GSTCD: variants seen among roughly 807,000 people sequenced by gnomAD.
The protein encoded by GSTCD is glutathione S-transferase C-terminal domain-containing protein.
Under a neutral mutation model 68.3 loss-of-function variants are expected in GSTCD, and 44 were observed. That is an observed-to-expected ratio of 0.64 (90% CI 0.51 to 0.83). The LOEUF is 0.83. GSTCD is among the 40% of genes least tolerant of loss of function. The pLI, the probability that GSTCD is intolerant of heterozygous loss-of-function variation, is 0.00. For missense variants in GSTCD, 739 were observed against 735.9 expected, an observed-to-expected ratio of 1.00 and a Z score of -0.05; for synonymous variants, 273 against 255.2, an observed-to-expected ratio of 1.07 and a Z score of -0.67.
At chr4:105,837,681 T>C (rs890463692) in intron 9 of GSTCD, among the ~76,000 whole-genome samples, 178 bp from the exon 10 acceptor site, 2 of 152,200 alleles carry the variant, frequency 1.3e-5, no homozygotes, top group African/African-American at 4.8e-5. Context: ...AATAACATAT[T>C]GATGATATGC....
intron 1 of GSTCD, among the ~76,000 whole-genome samples, chr4:105,711,429 A>C (rs1469660828): frequency 6.6e-6 from 1 of 152,238 alleles, no homozygotes; most frequent in Non-Finnish European, 1.5e-5. Flanking sequence ...TTGGTTGGGA[A>C]AAACTTTTCA....
At chr4:105,734,819 C>T (rs951107965) in intron 5 of GSTCD, among the ~76,000 whole-genome samples, 1 of 152,034 alleles carries the variant, frequency 6.6e-6, no homozygotes, top group African/African-American at 2.4e-5. Context: ...TTTTATCTCC[C>T]TTTGGTCTTT....
At chr4:105,755,299 G>A (rs1734148187) in intron 5 of GSTCD, among the ~76,000 whole-genome samples, 1 of 151,370 alleles carries the variant, frequency 6.6e-6, no homozygotes, top group Non-Finnish European at 1.5e-5. Flanking sequence ...GTGAGACCCT[G>A]TCTAGGAAGG....
At chr4:105,709,589 T>C (rs1732448048) in intron 1 of GSTCD, among the ~76,000 whole-genome samples, 1 of 152,186 alleles carries the variant, frequency 6.6e-6, no homozygotes, top group African/African-American at 2.4e-5. Context: ...TGCTTTGGTT[T>C]CAAAAACGTT....
At position 105,845,468 on chromosome 4, in the gene GSTCD, T is replaced by C. The variant is rs757285239; in HGVS notation, c.1793T>C (p.Leu598Pro). Reference sequence around the variant, plus strand: ...AAACAGTGCATGTGCTTGGTGGATCTGGATCGAGCAAGAGCTGCAGAAGAA... The same window carrying C: ...AAACAGTGCATGTGCTTGGTGGATCCGGATCGAGCAAGAGCTGCAGAAGAA... ...IGKQCMCLVD[L>P]DRARAAEECG... Residue 598 changes from leucine to proline, a missense_variant, in exon 12 of 12, where the codon CTG (leucine) becomes CCG (proline). Coordinates refer to ENST00000515279, the MANE Select transcript of GSTCD (RefSeq NM_001370181.1). 8 of 1,614,162 alleles carry C rather than the reference T, an allele frequency of 5.0e-6. No homozygotes were observed. In the South Asian group the frequency reaches 8.8e-5, roughly 18 times the overall value.
At chr4:105,791,392 CAA>C (rs56388145) in intron 5 of GSTCD, among the ~76,000 whole-genome samples, 10 of 57,308 alleles carry the variant, frequency 1.7e-4, no homozygotes, top group Non-Finnish European at 1.9e-4. Flanking sequence ...GACTCCGTCT[CAA>C]AAAAAAAAAA....
At chr4:105,774,695 T>C (rs1285005059) in intron 5 of GSTCD, among the ~76,000 whole-genome samples, 2 of 152,220 alleles carry the variant, frequency 1.3e-5, no homozygotes, top group African/African-American at 4.8e-5. Flanking sequence ...CTCTTCTGGC[T>C]TGTAGGTTTT....
At chr4:105,842,830 T>C (rs1724410267) in intron 11 of GSTCD, among the ~76,000 whole-genome samples, 1 of 152,172 alleles carries the variant, frequency 6.6e-6, no homozygotes, top group African/African-American at 2.4e-5. Context: ...AAAGCTTTCC[T>C]GGGGTCCCTC....
At chr4:105,735,028 C>G (rs1733407851) in intron 5 of GSTCD, among the ~76,000 whole-genome samples, 1 of 152,182 alleles carries the variant, frequency 6.6e-6, no homozygotes, top group Non-Finnish European at 1.5e-5. Flanking sequence ...GCTGCCTGAT[C>G]ATTCCTCTGG....
intron 1 of GSTCD, among the ~76,000 whole-genome samples, chr4:105,713,670 G>A (rs1466719379): frequency 1.3e-5 from 2 of 151,892 alleles, no homozygotes; most frequent in Non-Finnish European, 2.9e-5. Flanking sequence ...CATAGTAGGT[G>A]GACAATAAAA....
At chr4:105,726,170 T>C (rs1362537250) in intron 3 of GSTCD, among the ~76,000 whole-genome samples, 1 of 152,058 alleles carries the variant, frequency 6.6e-6, no homozygotes, top group Non-Finnish European at 1.5e-5. Flanking sequence ...ATATAGTATA[T>C]CCACACAATG....
intron 5 of GSTCD, among the ~76,000 whole-genome samples, chr4:105,750,448 G>T (rs955729633): frequency 1.7e-5 from 2 of 118,538 alleles, no homozygotes; most frequent in African/African-American, 6.6e-5. Context: ...CAACCAGAGC[G>T]AAACTCCGTC....
chr4:105,810,183 A>C (rs1722696928), intron 5 of GSTCD, among the ~76,000 whole-genome samples: 1 of 152,176 alleles, frequency 6.6e-6, no homozygotes, highest in Admixed American at 6.6e-5. Flanking sequence ...AAAACTAGCC[A>C]CATGTTTATA....
At chr4:105,741,128 C>T (rs1733617782) in intron 5 of GSTCD, among the ~76,000 whole-genome samples, 1 of 151,730 alleles carries the variant, frequency 6.6e-6, no homozygotes, top group South Asian at 2.1e-4. Flanking sequence ...AAGTAGTTGC[C>T]TTCCCTTTTC....
chr4:105,806,771 C>G (rs1010292929), intron 5 of GSTCD, among the ~76,000 whole-genome samples: 2 of 152,036 alleles, frequency 1.3e-5, no homozygotes, highest in African/African-American at 4.8e-5. Context: ...AGAAAGAGCT[C>G]TACATATTTT....
At chr4:105,719,759 T>C (rs1560793095) in intron 3 of GSTCD, among the ~76,000 whole-genome samples, 1 of 152,174 alleles carries the variant, frequency 6.6e-6, no homozygotes, top group Non-Finnish European at 1.5e-5. Flanking sequence ...GCTTGGCACA[T>C]AGTAAGCTCT....
chr4:105,718,527 A>G (rs1304780185), intron 2 of GSTCD, among the ~76,000 whole-genome samples: 1 of 152,184 alleles, frequency 6.6e-6, no homozygotes, highest in Non-Finnish European at 1.5e-5. Context: ...CATGAGCCAA[A>G]TAAACCTCTT....
chr4:105,732,279 C>G (rs1243276247), intron 5 of GSTCD, among the ~76,000 whole-genome samples: 3 of 152,222 alleles, frequency 2.0e-5, no homozygotes, highest in African/African-American at 7.2e-5. Flanking sequence ...CCAGCTCCTC[C>G]TTGTACCTCT....
intron 5 of GSTCD, among the ~76,000 whole-genome samples, chr4:105,766,887 C>CTTTTTTTTTTTTTTTTTTTTTTTTTTTT: frequency 1.4e-4 from 8 of 57,132 alleles, no homozygotes; most frequent in African/African-American, 6.4e-4. Context: ...GTTTTTGACT[C>CTTTTTTTTTTTTTTTTTTTTTTTTTTTT]TTTTTTTTTT....
Sources: allele counts gnomAD v4.1 joint callset (sites outside exome capture counted in the v4.1 genomes callset), GRCh38; gene constraint gnomAD v4.1.1; transcripts MANE v1.5; gene names NCBI Gene and HGNC (gene_info 2026-07-23, HGNC 2026-07-21).